TENM4: variants seen among roughly 807,000 people sequenced by gnomAD.
The protein encoded by TENM4 is teneurin transmembrane protein 4.
Under a neutral mutation model 243.3 loss-of-function variants are expected in TENM4, and 82 were observed. That is an observed-to-expected ratio of 0.34 (90% CI 0.28 to 0.40). The LOEUF is 0.40. Ranked by LOEUF, TENM4 falls within the 10% of genes least tolerant of loss-of-function variation. The pLI is 1.00. For synonymous variants in TENM4, 1,412 were observed against 1,456.3 expected (o/e 0.97, Z 0.69); for missense variants, 3,138 against 3,673.3 (o/e 0.85, Z 3.77).
At chr11:78,831,554 T>G (rs571126615) in intron 12 of TENM4, among the ~76,000 whole-genome samples, 2 of 152,254 alleles carry the variant, frequency 1.3e-5, no homozygotes, top group Non-Finnish European at 2.9e-5. Context: ...GGGCAGATAT[T>G]CTCCAGGCAG....
intron 6 of TENM4, among the ~76,000 whole-genome samples, chr11:78,935,167 G>A (rs956704704): frequency 4.7e-5 from 7 of 150,390 alleles, no homozygotes; most frequent in East Asian, 3.9e-4. Context: ...GCCCGCCAGC[G>A]CGCCCAGCTA....
intron 19 of TENM4, among the ~76,000 whole-genome samples, chr11:78,751,701 G>A (rs1856195276): frequency 6.6e-6 from 1 of 152,156 alleles, no homozygotes; most frequent in Admixed American, 6.5e-5. Context: ...AGTCAGAGGA[G>A]TCCTCCCCAA....
chr11:78,959,570 C>T (rs978580191), intron 6 of TENM4, among the ~76,000 whole-genome samples: 1 of 152,086 alleles, frequency 6.6e-6, no homozygotes, highest in African/African-American at 2.4e-5. Flanking sequence ...ATGATCCCAA[C>T]CCCAGAGGAA....
Position 78,712,484 on chromosome 11 carries a change from C to T in TENM4, c.4052G>A (p.Arg1351Lys), listed in dbSNP as rs781709920. 3.1e-6 allele frequency: 5 copies of T among 1,613,480 alleles called. No individual in the cohort carries two copies. Among genetic ancestry groups the T allele is most frequent in the Non-Finnish European group, 4.2e-6 (5 of 1,179,538 alleles). ...ATGTCTCTAAGGCAAGGCCTTACCC[C>T]TGGGATTGGTGAGTGTGGCTTCTGT... is the stretch of plus-strand genomic sequence containing the variant. ...KATEATLTNP[R>K]GITVDKFGLI... The change falls in exon 26 of 34, where the codon AGG becomes AAG. Residue 1351 changes from arginine (R) to lysine (K), a missense_variant and splice_region_variant. Coordinates refer to ENST00000278550, the MANE Select transcript of TENM4 (RefSeq NM_001098816.3).
intron 4 of TENM4, among the ~76,000 whole-genome samples, chr11:79,132,353 A>AAAAAAAAAAAAAAAAAAAAC (rs1862024474): frequency 6.7e-6 from 1 of 149,450 alleles, no homozygotes; most frequent in Non-Finnish European, 1.5e-5. Context: ...CTCAAAAAAA[A>AAAAAAAAAAAAAAAAAAAAC]AAAAAAAAAG....
rs1052408225 is a variant in TENM4 at position 79,438,208 on chromosome 11, C to T, written c.-321+2301G>A. On this transcript the variant is annotated intron_variant, in intron 1 of 33. Transcript: ENST00000278550. This position sits in a 1 kb window ranked among gnomAD's most constrained non-coding sequence, Gnocchi z 4.1. ...AATGTGTCCCAGACTTCAGCGTTCC[C>T]CACGGCTGTGTCAGGGCTGGGGTGG... is the stretch of plus-strand genomic sequence containing the variant. Among the ~76,000 whole-genome samples, 1 of 152,154 alleles carries T rather than the reference C, an allele frequency of 6.6e-6. No homozygotes were observed. The highest frequency in any genetic ancestry group is 2.4e-5 in the African/African-American group (1 of 41,450).
intron 10 of TENM4, among the ~76,000 whole-genome samples, chr11:78,859,897 T>C (rs1398004236): frequency 6.6e-6 from 1 of 152,194 alleles, no homozygotes; most frequent in East Asian, 1.9e-4. Flanking sequence ...TTATTCAATG[T>C]TTTTTTCCCT....
At chr11:78,902,901 G>A (rs533287744) in intron 7 of TENM4, among the ~76,000 whole-genome samples, 1 of 152,026 alleles carries the variant, frequency 6.6e-6, no homozygotes, top group Non-Finnish European at 1.5e-5. Context: ...GCCTGCTGTT[G>A]GTCACACATC....
intron 33 of TENM4, among the ~76,000 whole-genome samples, chr11:78,659,988 C>T (rs1377079003): frequency 1.3e-5 from 2 of 152,346 alleles, no homozygotes; most frequent in East Asian, 3.9e-4. Flanking sequence ...GAGTGCTCAA[C>T]AACAAAGATC....
At chr11:79,323,584 G>T (rs1856927203) in intron 1 of TENM4, among the ~76,000 whole-genome samples, 1 of 152,164 alleles carries the variant, frequency 6.6e-6, no homozygotes, top group Non-Finnish European at 1.5e-5. Context: ...CAATCGCTTG[G>T]TCAAACACTA....
chr11:79,264,647 A>G (rs545439), intron 2 of TENM4, among the ~76,000 whole-genome samples: 111,281 of 152,080 alleles, frequency 0.73, 41,347 homozygotes, highest in African/African-American at 0.86. Context: ...CAAACAAACA[A>G]AATCTCTGGG....
chr11:78,915,396 A>G (rs1856291463), intron 6 of TENM4, among the ~76,000 whole-genome samples: 1 of 152,034 alleles, frequency 6.6e-6, no homozygotes, highest in Admixed American at 6.6e-5. Flanking sequence ...AATATATCAT[A>G]GCCTGTGTGA....
At chr11:78,864,982 A>G (rs1401006175) in intron 9 of TENM4, among the ~76,000 whole-genome samples, 2 of 152,182 alleles carry the variant, frequency 1.3e-5, no homozygotes, top group Non-Finnish European at 2.9e-5. Context: ...ATCTTCAGAG[A>G]GATGAAGGCC....
intron 4 of TENM4, chr11:79,093,162 T>C (rs1861000243): frequency 6.6e-6 from 1 of 152,204 alleles, no homozygotes; most frequent in South Asian, 2.1e-4. Flanking sequence ...TGACTCATAA[T>C]TTGGCTAAGG....
At chr11:79,399,743 T>G (rs1434737622) in intron 1 of TENM4, among the ~76,000 whole-genome samples, 1 of 152,158 alleles carries the variant, frequency 6.6e-6, no homozygotes, top group African/African-American at 2.4e-5. Context: ...AGAGTCAAAT[T>G]TGGCTCCTCT....
rs5792836 is a variant in TENM4, at chr11:79,098,221, A to AC, written c.-65-28213dup. 3.1e-3 allele frequency among the ~76,000 whole-genome samples: 376 copies of AC among 121,190 alleles called. 2 individuals are homozygous for AC. The highest frequency in any genetic ancestry group is 0.027 in the South Asian group (95 of 3,530). 79.5% of individuals were successfully genotyped at this position (121,190 alleles called of 152,430 possible). On this transcript the variant is annotated intron_variant, in intron 4 of 33. Transcript: ENST00000278550. ...CATGCGGGTCTCTTGTGTCTCCCCC[A>AC]CCCCCCCCCATCTCCCAGCTCAGTG...
At chr11:79,190,264 C>G (rs1173563650) in intron 3 of TENM4, among the ~76,000 whole-genome samples, 1 of 152,126 alleles carries the variant, frequency 6.6e-6, no homozygotes. Flanking sequence ...GTTAAATTGC[C>G]CTGGGCACTG....
chr11:78,995,630 G>A (rs900704039), intron 6 of TENM4, among the ~76,000 whole-genome samples: 1 of 151,884 alleles, frequency 6.6e-6, no homozygotes, highest in Non-Finnish European at 1.5e-5. Flanking sequence ...GCTTCTTCAG[G>A]TAAGTGGTGG....
intron 1 of TENM4, among the ~76,000 whole-genome samples, chr11:79,437,427 C>A (rs575631210): frequency 6.6e-6 from 1 of 152,178 alleles, no homozygotes; most frequent in African/African-American, 2.4e-5. Context: ...AAGGCGCGGC[C>A]GGGACCCTGC....
Sources: allele counts gnomAD v4.1 joint callset (sites outside exome capture counted in the v4.1 genomes callset), GRCh38; gene constraint gnomAD v4.1.1; non-coding constraint Gnocchi (gnomAD v3.1); transcripts MANE v1.5; gene names NCBI Gene and HGNC (gene_info 2026-07-23, HGNC 2026-07-21).